Variants in FAM135B observed in about 807,000 individuals in gnomAD.
FAM135B encodes family with sequence similarity 135 member B.
FAM135B carries 43 observed loss-of-function variants against 127.7 expected under a neutral mutation model. That is an observed-to-expected ratio of 0.34 (90% CI 0.26 to 0.43). The LOEUF is 0.43. FAM135B is among the 20% of genes least tolerant of loss of function. The pLI, the probability that FAM135B is intolerant of heterozygous loss-of-function variation, is 1.00. For synonymous variants in FAM135B, 670 were observed against 665.1 expected (o/e 1.01, Z -0.11); for missense variants, 1,558 against 1,725.6 (o/e 0.90, Z 1.72).
chr8:138,444,369 C>T (rs549343162), intron 1 of FAM135B, among the ~76,000 whole-genome samples: 1 of 152,314 alleles, frequency 6.6e-6, no homozygotes, highest in South Asian at 2.1e-4. Flanking sequence ...CACCACACCA[C>T]ACTTATTCCA....
intron 2 of FAM135B, among the ~76,000 whole-genome samples, chr8:138,352,618 G>C (rs1829851908): frequency 6.6e-6 from 1 of 152,156 alleles, no homozygotes; most frequent in Non-Finnish European, 1.5e-5. Context: ...AGTTAGGGTG[G>C]AGGGAGACAG....
intron 16 of FAM135B, among the ~76,000 whole-genome samples, chr8:138,142,104 T>C (rs11166784): frequency 0.68 from 103,776 of 151,730 alleles, 35,565 homozygotes; most frequent in East Asian, 0.75. Context: ...TAATATTTTG[T>C]ATATGAAGAC....
At position 138,131,746 on chromosome 8, in the gene FAM135B, C is replaced by T. The variant is rs2130471033; in HGVS notation, c.*847G>A. ...TGGAAGTGTATCAGCAGGAGCTTCA[C>T]ACGTGTGTGCATTCATCTCAGTGCC... On this transcript the variant is annotated 3_prime_UTR_variant, in exon 20 of 20. Coordinates refer to ENST00000395297, the MANE Select transcript of FAM135B (RefSeq NM_015912.4). The T allele has an allele frequency of 6.5e-6, 1 of 152,722 alleles. No homozygotes were observed. Among genetic ancestry groups the T allele is most frequent in the African/African-American group, 2.4e-5 (1 of 41,558 alleles). The allele number at this position is 152,722 out of a possible 1,614,324, so 9.5% of individuals were successfully genotyped here.
intron 7 of FAM135B, among the ~76,000 whole-genome samples, chr8:138,218,376 A>G (rs946479422): frequency 1.3e-5 from 2 of 152,228 alleles, no homozygotes; most frequent in African/African-American, 4.8e-5. Flanking sequence ...TAGAAGTCAC[A>G]TGGGGATAGC....
chr8:138,243,396 G>C lies in FAM135B; in HGVS notation c.543-328C>G, dbSNP rs1473216753. On this transcript the variant is annotated intron_variant, in intron 6 of 19. Coordinates refer to ENST00000395297, the MANE Select transcript of FAM135B (RefSeq NM_015912.4). This position sits in a 1 kb window ranked among gnomAD's most constrained non-coding sequence, Gnocchi z 7.5. ...ATCACTAGAGGGGAAGGTGGCATGG[G>C]CTCCGAAAATTTCAGGGGCAACTCT... 6.6e-6 allele frequency among the ~76,000 whole-genome samples: 1 copy of C among 152,162 alleles called. No homozygotes were observed. The highest frequency in any genetic ancestry group is 1.9e-4 in the East Asian group (1 of 5,182).
intron 2 of FAM135B, among the ~76,000 whole-genome samples, 171 bp downstream of exon 2, chr8:138,367,736 T>G (rs1382720530): frequency 6.6e-6 from 1 of 152,048 alleles, no homozygotes; most frequent in African/African-American, 2.4e-5. Context: ...TATTTTCAGA[T>G]GCAATAAAGG....
Position 138,375,634 on chromosome 8 carries a change from T to G in FAM135B, c.-19-7632A>C, listed in dbSNP as rs73717212. The stretch of plus-strand genomic sequence containing the variant: ...CTAGAATAAATGTTAATATATCTAG[T>G]TAATTGTATGAGTGTTTCATTTTGA... On this transcript the variant is annotated intron_variant, in intron 1 of 19. Transcript: ENST00000395297. Among the ~76,000 whole-genome samples, 495 of 152,330 alleles carry G rather than the reference T, an allele frequency of 3.2e-3. 2 individuals are homozygous for G. Among genetic ancestry groups the G allele is most frequent in the African/African-American group, 0.011 (475 of 41,574 alleles).
intron 7 of FAM135B, among the ~76,000 whole-genome samples, chr8:138,205,943 C>T (rs1198806299): frequency 3.3e-5 from 5 of 151,858 alleles, no homozygotes; most frequent in African/African-American, 1.2e-4. Context: ...TACTTGCTGC[C>T]CTCCCCGTTC....
intron 1 of FAM135B, among the ~76,000 whole-genome samples, chr8:138,460,048 A>C (rs183034354): frequency 6.6e-6 from 1 of 152,348 alleles, no homozygotes; most frequent in African/African-American, 2.4e-5. Context: ...GCCCATAGGA[A>C]GCATCCTGTA....
At chr8:138,434,873 G>A (rs1462800008) in intron 1 of FAM135B, among the ~76,000 whole-genome samples, 1 of 152,150 alleles carries the variant, frequency 6.6e-6, no homozygotes, top group Non-Finnish European at 1.5e-5. Flanking sequence ...AGTCAGATTG[G>A]ACACCTCTCA....
intron 3 of FAM135B, among the ~76,000 whole-genome samples, chr8:138,287,818 A>G (rs561303142): frequency 6.7e-6 from 1 of 150,180 alleles, no homozygotes; most frequent in East Asian, 2.0e-4. Context: ...ATACGGACAG[A>G]CTGTGTTAAA....
At chr8:138,424,217 G>A (rs1834704493) in intron 1 of FAM135B, among the ~76,000 whole-genome samples, 1 of 152,136 alleles carries the variant, frequency 6.6e-6, no homozygotes, top group Non-Finnish European at 1.5e-5. Flanking sequence ...AATCACAAGG[G>A]TATTGATTGG....
intron 3 of FAM135B, among the ~76,000 whole-genome samples, chr8:138,298,954 G>A (rs898931287): frequency 7.9e-5 from 12 of 151,816 alleles, no homozygotes; most frequent in African/African-American, 2.7e-4. Flanking sequence ...CAGCTACTCG[G>A]GAGGCTGAGG....
chr8:138,382,437 T>G (rs895064462), intron 1 of FAM135B, among the ~76,000 whole-genome samples: 5 of 152,008 alleles, frequency 3.3e-5, no homozygotes, highest in Non-Finnish European at 5.9e-5. Context: ...GGTCGGCTCA[T>G]AGTCTCACAG....
chr8:138,344,464 C>A (rs1256003091), intron 2 of FAM135B, among the ~76,000 whole-genome samples: 1 of 152,128 alleles, frequency 6.6e-6, no homozygotes, highest in Non-Finnish European at 1.5e-5. Flanking sequence ...CCCACCTGCG[C>A]TTGGCTATTT....
intron 1 of FAM135B, among the ~76,000 whole-genome samples, chr8:138,417,189 A>G (rs1294063652): frequency 1.3e-5 from 2 of 152,268 alleles, no homozygotes; most frequent in Non-Finnish European, 1.5e-5. Context: ...GAGCAGGGCT[A>G]TCTTTCCCAT....
intron 1 of FAM135B, among the ~76,000 whole-genome samples, chr8:138,411,222 C>A (rs537255444): frequency 6.6e-6 from 1 of 151,756 alleles, no homozygotes; most frequent in Non-Finnish European, 1.5e-5. Flanking sequence ...AGGCATCACT[C>A]TACCTCACTT....
intron 1 of FAM135B, among the ~76,000 whole-genome samples, chr8:138,377,122 G>C (rs1519365): frequency 0.51 from 77,461 of 152,004 alleles, 22,155 homozygotes; most frequent in East Asian, 0.82. Context: ...GTTTTCTTTT[G>C]AAATGCAATT....
At chr8:138,306,012 G>A (rs115588716) in intron 3 of FAM135B, among the ~76,000 whole-genome samples, 2,070 of 152,244 alleles carry the variant, frequency 0.014, 47 homozygotes, top group African/African-American at 0.048. Context: ...TTCAATTTGA[G>A]TACTGAGACA....
Sources: allele counts gnomAD v4.1 joint callset (sites outside exome capture counted in the v4.1 genomes callset), GRCh38; gene constraint gnomAD v4.1.1; non-coding constraint Gnocchi (gnomAD v3.1); transcripts MANE v1.5; gene names NCBI Gene and HGNC (gene_info 2026-07-23, HGNC 2026-07-21).